NPEPPS: variants seen among roughly 807,000 people sequenced by gnomAD.
NPEPPS encodes puromycin-sensitive aminopeptidase.
A neutral mutation model predicts 115.5 loss-of-function variants in NPEPPS; 14 were observed. That is an observed-to-expected ratio of 0.12 (90% CI 0.08 to 0.19). The LOEUF is 0.19. Ranked by LOEUF, NPEPPS falls within the 10% of genes least tolerant of loss-of-function variation. The probability of loss-of-function intolerance (pLI) is 1.00; values close to 1 mark genes in which losing one functional copy is unlikely to be tolerated. For missense variants in NPEPPS, 523 were observed against 1,110.8 expected (o/e 0.47, Z 7.52); for synonymous variants, 285 against 390.6 (o/e 0.73, Z 3.19).
At chr17:47,539,593 T>A (rs1333638980) in intron 1 of NPEPPS, among the ~76,000 whole-genome samples, 1 of 152,188 alleles carries the variant, frequency 6.6e-6, no homozygotes, top group African/African-American at 2.4e-5. Context: ...ACCCTGCCTC[T>A]AGAAGTAACT....
At chr17:47,532,501 A>C (rs1399161528) in intron 1 of NPEPPS, among the ~76,000 whole-genome samples, 1 of 151,872 alleles carries the variant, frequency 6.6e-6, no homozygotes, top group Admixed American at 6.6e-5. Flanking sequence ...TAAAAATACA[A>C]AAATTAGCGG....
intron 2 of NPEPPS, among the ~76,000 whole-genome samples, chr17:47,566,088 G>A (rs1303126977): frequency 6.6e-6 from 1 of 152,116 alleles, no homozygotes; most frequent in African/African-American, 2.4e-5. Context: ...CAACCTCCTA[G>A]GCTTCAGCAA....
Position 47,612,612 on chromosome 17 carries a change from C to T in NPEPPS, c.2238+10C>T. 1 of 1,595,290 alleles carries T rather than the reference C, an allele frequency of 6.3e-7. No individual in the cohort carries two copies. On this transcript the variant is annotated intron_variant, in intron 18 of 22. Coordinates refer to ENST00000322157, the MANE Select transcript of NPEPPS (RefSeq NM_006310.4). The stretch of plus-strand genomic sequence containing the variant: ...TGATCTGAGGAGTCCTGTAGGTTTT[C>T]ATCATAAATTCCCTTGACTTATAGG...
At chr17:47,610,840 T>G in intron 17 of NPEPPS, among the ~76,000 whole-genome samples, 1 of 145,272 alleles carries the variant, frequency 6.9e-6, no homozygotes, top group Non-Finnish European at 1.5e-5. Flanking sequence ...AGTCATATGA[T>G]GACTCTTTTT....
At chr17:47,607,700 G>T (rs1049925502) in intron 17 of NPEPPS, among the ~76,000 whole-genome samples, 17 of 152,160 alleles carry the variant, frequency 1.1e-4, no homozygotes, top group Non-Finnish European at 2.4e-4. Context: ...GGTAAAGTCT[G>T]TGTATATTTT....
chr17:47,568,402 C>T (rs1314256733), intron 2 of NPEPPS, among the ~76,000 whole-genome samples: 4 of 152,110 alleles, frequency 2.6e-5, no homozygotes, highest in Non-Finnish European at 5.9e-5. Flanking sequence ...AACTCTTGAC[C>T]TCAGGTGATC....
At chr17:47,615,030 A>G (rs948603073) in intron 19 of NPEPPS, among the ~76,000 whole-genome samples, 1 of 151,916 alleles carries the variant, frequency 6.6e-6, no homozygotes, top group Non-Finnish European at 1.5e-5. Context: ...CTGTACCTCA[A>G]AATGTACTGC....
At chr17:47,532,544 C>G (rs2143653651) in intron 1 of NPEPPS, among the ~76,000 whole-genome samples, 1 of 151,448 alleles carries the variant, frequency 6.6e-6, no homozygotes, top group East Asian at 1.9e-4. Flanking sequence ...ATCTCAGCTA[C>G]TCGGGGGCTA....
chr17:47,524,561 C>G lies in NPEPPS; in HGVS notation c.77+1498C>G, dbSNP rs1470456398. ...GCAGGCTGGAGTGCAGTGGCGCGAT[C>G]TTGGCTCACTGCAAGCTCTGCCTCC... On this transcript the variant is annotated intron_variant, in intron 1 of 5. Transcript: ENST00000525007. Among the ~76,000 whole-genome samples the G allele has an allele frequency of 2.6e-5, 4 of 151,690 alleles. No individual in the cohort carries two copies. In the East Asian group the frequency reaches 7.8e-4, roughly 30 times the overall value.
intron 18 of NPEPPS, 47 bp from the exon 19 acceptor site, chr17:47,613,622 G>A: frequency 1.4e-6 from 2 of 1,437,684 alleles, no homozygotes; most frequent in Non-Finnish European, 1.9e-6. Flanking sequence ...TAGAATACTT[G>A]AAACAAGGTA....
intron 1 of NPEPPS, among the ~76,000 whole-genome samples, chr17:47,524,737 C>T (rs939364799): frequency 6.6e-6 from 1 of 150,692 alleles, no homozygotes; most frequent in African/African-American, 2.4e-5. Context: ...ATCTCCTGAC[C>T]TCGTGATCCG....
chr17:47,605,200 G>C (rs954497769), intron 16 of NPEPPS, 133 bp from the exon 17 acceptor site: 13 of 533,398 alleles, frequency 2.4e-5, no homozygotes, highest in Non-Finnish European at 4.3e-5. Flanking sequence ...TATGCTAACA[G>C]TGTTCTGAGC....
At chr17:47,524,112 C>G (rs1325579717) in intron 1 of NPEPPS, among the ~76,000 whole-genome samples, 2 of 131,012 alleles carry the variant, frequency 1.5e-5, no homozygotes, top group South Asian at 2.7e-4. Flanking sequence ...TTGAGACCAG[C>G]CTGGCCAACA....
At chr17:47,542,864 C>T (rs1310972783) in intron 1 of NPEPPS, among the ~76,000 whole-genome samples, 6 of 151,776 alleles carry the variant, frequency 4.0e-5, no homozygotes, top group African/African-American at 1.2e-4. Flanking sequence ...AGAGGCCAGG[C>T]GTGGTGGCTC....
At chr17:47,562,874 C>T (rs1910531068) in intron 2 of NPEPPS, among the ~76,000 whole-genome samples, 1 of 150,272 alleles carries the variant, frequency 6.7e-6, no homozygotes, top group Non-Finnish European at 1.5e-5. Context: ...TTTTTAATTG[C>T]AGTGTTATTC....
chr17:47,622,592 G>T lies in NPEPPS; in HGVS notation c.*672G>T. The T allele has an allele frequency of 3.7e-6, 1 of 268,656 alleles. No individual in the cohort carries two copies. The highest frequency in any genetic ancestry group is 7.2e-6 in the Non-Finnish European group (1 of 139,826). The allele number at this position is 268,656 out of a possible 1,614,324, so 16.6% of individuals were successfully genotyped here. ...AAAAACAAAAACCTACCCTGTTCTG[G>T]TTTTTTTCCTCCCTTTAGTTCCACC... On this transcript the variant is annotated 3_prime_UTR_variant, in exon 23 of 23. Coordinates refer to ENST00000322157, the MANE Select transcript of NPEPPS (RefSeq NM_006310.4).
upstream of NPEPPS, among the ~76,000 whole-genome samples, chr17:47,528,913 G>A (rs1232177063): frequency 6.6e-6 from 1 of 152,008 alleles, no homozygotes; most frequent in Non-Finnish European, 1.5e-5. Flanking sequence ...TGGGATTACA[G>A]GCGTGAGCCA....
intron 21 of NPEPPS, 182 bp from the exon 22 acceptor site, chr17:47,619,555 A>G (rs1914413872): frequency 3.9e-6 from 1 of 256,616 alleles, no homozygotes; most frequent in East Asian, 7.9e-5. Flanking sequence ...ACTCCGTCTC[A>G]AAAAAAAAAA....
intron 2 of NPEPPS, among the ~76,000 whole-genome samples, chr17:47,547,646 C>T (rs1012830420): frequency 6.6e-6 from 1 of 152,128 alleles, no homozygotes; most frequent in Non-Finnish European, 1.5e-5. Flanking sequence ...GCAAGAGCCA[C>T]CACACCTGGT....
Sources: gnomAD v4.1 joint callset for allele counts (sites outside exome capture counted in the v4.1 genomes callset) on GRCh38, gnomAD v4.1.1 for gene constraint, MANE v1.5 for transcripts, NCBI Gene and HGNC (gene_info 2026-07-23, HGNC 2026-07-21) for gene names.